RFTN2: variants seen among roughly 807,000 people sequenced by gnomAD.
RFTN2 encodes raftlin family member 2.
RFTN2 carries 34 observed loss-of-function variants against 52.7 expected under a neutral mutation model. The observed-to-expected ratio is 0.64, with a 90% CI of 0.49 to 0.86. The LOEUF (loss-of-function observed/expected upper bound fraction) is 0.86, where lower values mean the gene tolerates loss of function less well. Among genes scored for constraint, RFTN2 ranks in the 40% least tolerant of loss-of-function variants. The probability of loss-of-function intolerance (pLI) is 0.00; values close to 1 mark genes in which losing one functional copy is unlikely to be tolerated. For missense variants in RFTN2, 536 were observed against 600.1 expected (o/e 0.89, Z 1.12); for synonymous variants, 203 against 217.7 (o/e 0.93, Z 0.59).
chr2:197,589,537 A>AT (rs2087662923), intron 8 of RFTN2, among the ~76,000 whole-genome samples: 1 of 152,054 alleles, frequency 6.6e-6, no homozygotes, highest in Admixed American at 6.6e-5. Flanking sequence ...TATTGTCAGT[A>AT]TTTTTTATTT....
intron 8 of RFTN2, among the ~76,000 whole-genome samples, chr2:197,585,012 C>G (rs2087572907): frequency 6.6e-6 from 1 of 152,176 alleles, no homozygotes; most frequent in African/African-American, 2.4e-5. Context: ...ACCCCAACTG[C>G]CGTCCACCTG....
rs1441084666 is a variant in RFTN2, at chr2:197,596,019, A to G, written c.1205T>C (p.Met402Thr). The change falls in exon 8 of 9, where the codon ATG becomes ACG. Residue 402 changes from methionine (M) to threonine (T), a missense_variant. Physicochemically the swap from Met to Thr is moderately conservative, Grantham distance 81. Coordinates refer to ENST00000295049, the MANE Select transcript of RFTN2 (RefSeq NM_144629.3). Reference protein sequence around the residue: ...KQIVFLQRPVMWNSAAQTPDK... With the variant: ...KQIVFLQRPVTWNSAAQTPDK... ...TGGTGTTTGAGCAGCTGAATTCCAC[A>G]TAACTGGCCTCTGAAGGAATACGAT... 2 of 1,612,366 alleles carry G rather than the reference A, an allele frequency of 1.2e-6. No homozygotes were observed. Among genetic ancestry groups the G allele is most frequent in the African/African-American group, 1.3e-5 (1 of 74,908 alleles).
At chr2:197,607,876 G>C (rs2087987471) in intron 7 of RFTN2, among the ~76,000 whole-genome samples, 1 of 152,120 alleles carries the variant, frequency 6.6e-6, no homozygotes, top group Non-Finnish European at 1.5e-5. Flanking sequence ...TAACATTTAT[G>C]TTCAGATGAG....
intron 3 of RFTN2, among the ~76,000 whole-genome samples, chr2:197,636,563 T>G: frequency 3.7e-5 from 2 of 54,274 alleles, no homozygotes; most frequent in African/African-American, 7.9e-5. Flanking sequence ...TGTATAAGAA[T>G]GCTTGTGATT....
chr2:197,659,760 T>A (rs529505469), intron 1 of RFTN2, among the ~76,000 whole-genome samples: 65 of 151,718 alleles, frequency 4.3e-4, no homozygotes, highest in Middle Eastern at 3.4e-3. Flanking sequence ...GAGGCTGCAG[T>A]GAGCTGAGAT....
At chr2:197,625,731 C>T (rs2088348137) in intron 5 of RFTN2, among the ~76,000 whole-genome samples, 2 of 134,948 alleles carry the variant, frequency 1.5e-5, no homozygotes, top group South Asian at 2.6e-4. Flanking sequence ...CCCCTCCCTT[C>T]CCCTCCCCTC....
At chr2:197,586,177 C>A (rs1313414348) in intron 8 of RFTN2, among the ~76,000 whole-genome samples, 1 of 152,214 alleles carries the variant, frequency 6.6e-6, no homozygotes, top group Middle Eastern at 3.2e-3. Context: ...TGGCTACCTT[C>A]CCCTTGCTCG....
chr2:197,586,741 T>A (rs955594736), intron 8 of RFTN2, among the ~76,000 whole-genome samples: 1 of 152,216 alleles, frequency 6.6e-6, no homozygotes, highest in Admixed American at 6.5e-5. Context: ...TCTGCTAGCA[T>A]CACAGACGTA....
At chr2:197,612,139 G>C (rs2088071360) in intron 7 of RFTN2, among the ~76,000 whole-genome samples, 2 of 152,132 alleles carry the variant, frequency 1.3e-5, no homozygotes, top group South Asian at 4.1e-4. Context: ...TTGAGGATGA[G>C]GTTTTTTAAT....
chr2:197,605,790 T>TA (rs1300441890), intron 7 of RFTN2, among the ~76,000 whole-genome samples: 1 of 152,162 alleles, frequency 6.6e-6, no homozygotes, highest in East Asian at 1.9e-4. Context: ...GCTGGTATCT[T>TA]AGAGGAAAAT....
chr2:197,597,811 C>A (rs563146351), intron 7 of RFTN2, among the ~76,000 whole-genome samples: 58 of 152,278 alleles, frequency 3.8e-4, no homozygotes, highest in Admixed American at 9.2e-4. Flanking sequence ...AGCCACTGCG[C>A]CCAGCCTCTC....
chr2:197,569,225 AC>A lies in RFTN2; in HGVS notation c.*2782del, dbSNP rs1212381734. ...TTCACCCAACATCTGGGATCTTGAT[AC>A]CTTTCATTATAACTTACAGGTTTTA... On this transcript the variant is annotated 3_prime_UTR_variant, in exon 9 of 9. Coordinates refer to ENST00000295049, the MANE Select transcript of RFTN2 (RefSeq NM_144629.3). The A allele has an allele frequency of 6.6e-6, 1 of 152,236 alleles. No individual in the cohort carries two copies. The highest frequency in any genetic ancestry group is 1.5e-5 in the Non-Finnish European group (1 of 68,046). 9.4% of individuals were successfully genotyped at this position (152,236 alleles called of 1,614,324 possible). A position where few individuals can be genotyped will look rare whatever the true frequency, so the allele number is the denominator to read the frequency against.
rs60073189 is a variant in RFTN2, at chr2:197,616,268, CATTTTATTTT to C, written c.1051-299_1051-290del. ...ATGGGGTTGGGGAGCTGGGAATCTG[CATTTTATTTT>C]ATTTTATTTTATTTTATTTTATTTT... is the stretch of plus-strand genomic sequence containing the variant. On this transcript the variant is annotated intron_variant, in intron 6 of 8. Transcript: ENST00000295049. 5.0e-3 allele frequency among the ~76,000 whole-genome samples: 305 copies of C among 60,818 alleles called. 19 individuals carry two copies. The highest frequency in any genetic ancestry group is 0.023 in the African/African-American group (291 of 12,502). The allele number at this position is 60,818 out of a possible 152,430, so 39.9% of individuals were successfully genotyped here. A position where few individuals can be genotyped will look rare whatever the true frequency, so the allele number is the denominator to read the frequency against.
intron 1 of RFTN2, among the ~76,000 whole-genome samples, chr2:197,665,737 T>C (rs1446246225): frequency 1.3e-5 from 2 of 151,996 alleles, no homozygotes; most frequent in Non-Finnish European, 2.9e-5. Context: ...TATATATGTT[T>C]TAAGTGGAGA....
intron 8 of RFTN2, among the ~76,000 whole-genome samples, chr2:197,579,762 CCA>C (rs1356807078): frequency 6.6e-6 from 1 of 152,076 alleles, no homozygotes; most frequent in Non-Finnish European, 1.5e-5. Flanking sequence ...CCCTTCCTCC[CCA>C]GACTGCTCCT....
chr2:197,660,936 T>C (rs981018896), intron 1 of RFTN2, among the ~76,000 whole-genome samples: 3 of 152,196 alleles, frequency 2.0e-5, no homozygotes, highest in Non-Finnish European at 2.9e-5. Context: ...CAGTATATTG[T>C]TGTTAATTAG....
chr2:197,631,246 G>A, intron 4 of RFTN2, 26 bp from the exon 5 acceptor site: 2 of 1,512,324 alleles, frequency 1.3e-6, no homozygotes, highest in Non-Finnish European at 1.8e-6. Flanking sequence ...GAGAAAAAAG[G>A]GGAAAATTAT....
chr2:197,603,946 AC>A (rs1211019819), intron 7 of RFTN2, among the ~76,000 whole-genome samples: 2 of 151,976 alleles, frequency 1.3e-5, no homozygotes, highest in African/African-American at 4.8e-5. Flanking sequence ...AAAACAAAAA[AC>A]AAAAAAACAT....
At chr2:197,617,313 T>C (rs2088161020) in intron 6 of RFTN2, among the ~76,000 whole-genome samples, 1 of 152,216 alleles carries the variant, frequency 6.6e-6, no homozygotes, top group Non-Finnish European at 1.5e-5. Context: ...TATTTCTCTA[T>C]CTTGCAAAAA....
Sources: gnomAD v4.1 joint callset for allele counts (sites outside exome capture counted in the v4.1 genomes callset) on GRCh38, gnomAD v4.1.1 for gene constraint, MANE v1.5 for transcripts, NCBI Gene and HGNC (gene_info 2026-07-23, HGNC 2026-07-21) for gene names.